The following TTC21B variants were observed in gnomAD, a reference collection of about 807,000 sequenced individuals.
TTC21B encodes the protein tetratricopeptide repeat protein 21B.
In TTC21B, 127 loss-of-function variants were observed where a neutral mutation model predicts 175.1. The ratio of observed to expected loss-of-function variants is 0.73; its 90% CI spans 0.63 to 0.84. The LOEUF is 0.84. Among genes scored for constraint, TTC21B ranks in the 40% least tolerant of loss-of-function variants. The pLI, the probability that TTC21B is intolerant of heterozygous loss-of-function variation, is 0.00. For synonymous variants in TTC21B, 524 were observed against 524.5 expected (o/e 1.00, Z 0.01); for missense variants, 1,561 against 1,558.3 (o/e 1.00, Z -0.03).
chr2:165,877,697 A>C (rs1684711158), intron 27 of TTC21B, among the ~76,000 whole-genome samples: 1 of 152,144 alleles, frequency 6.6e-6, no homozygotes. Context: ...ATATGTGTGT[A>C]TGTTTATATA....
intron 19 of TTC21B, 104 bp downstream of exon 19, chr2:165,907,574 G>C (rs929687943): frequency 4.1e-6 from 3 of 736,498 alleles, no homozygotes; most frequent in South Asian, 1.5e-5. Flanking sequence ...CATATTTTCT[G>C]TAGCTGTTTG....
At position 165,930,737 on chromosome 2, in the gene TTC21B, GT is replaced by G. The variant is rs1686872640; in HGVS notation, c.895-374del. Among the ~76,000 whole-genome samples the G allele has an allele frequency of 5.9e-4, 22 of 37,544 alleles. 1 individual carries two copies. Among genetic ancestry groups the G allele is most frequent in the African/African-American group, 1.8e-3 (22 of 12,462 alleles). The allele number at this position is 37,544 out of a possible 152,430, so 24.6% of individuals were successfully genotyped here. ...TATGGTTACGTGGGTATGGGGGTGT[GT>G]GTGTGTGTGTGTGTGTGTGTGTGTG... On this transcript the variant is annotated intron_variant, in intron 8 of 28. Transcript: ENST00000243344.
intron 27 of TTC21B, 63 bp downstream of exon 27, chr2:165,880,616 A>C: frequency 6.4e-7 from 1 of 1,571,684 alleles, no homozygotes; most frequent in Non-Finnish European, 8.7e-7. Flanking sequence ...AATGCATTTA[A>C]ATGAAAATTA....
chr2:165,949,569 G>T, intron 2 of TTC21B, 26 bp downstream of exon 2: 1 of 1,613,688 alleles, frequency 6.2e-7, no homozygotes, highest in Non-Finnish European at 8.5e-7. Context: ...AAAACTGATG[G>T]AACATGTTTA....
In TTC21B at chr2:165,943,281, CT is replaced by C. The variant is rs1559074956; in HGVS notation, c.489del (p.Ala164HisfsTer2). 6.2e-7 allele frequency: 1 copy of C among 1,612,666 alleles called. No individual in the cohort carries two copies. Among genetic ancestry groups the C allele is most frequent in the South Asian group, 1.1e-5 (1 of 91,048 alleles). On this transcript the variant is annotated frameshift_variant, in exon 5 of 29. Transcript: ENST00000243344. LOFTEE classifies it high-confidence loss of function. ...AGTCCCTCTTCAAAATACTTCAGTGCTTTTTTAGTGTAAGGCTCTTTTCCTC... is the reference window on the plus strand; with the variant it reads ...AGTCCCTCTTCAAAATACTTCAGTGCTTTTTAGTGTAAGGCTCTTTTCCTC... Reference protein sequence around the residue: ...ITRGKEPYTKKALKYFEEGLQ... With the variant: ...ITRGKEPYTKXALKYFEEGLQ...
chr2:165,945,416 G>A lies in TTC21B; in HGVS notation c.429+108C>T, dbSNP rs993036089. The A allele has an allele frequency of 1.2e-4, 121 of 1,016,344 alleles. No homozygotes were observed. The African/African-American group carries it at 1.6e-3, about 13-fold the overall frequency. 63.0% of individuals were successfully genotyped at this position (1,016,344 alleles called of 1,614,324 possible). ...AAAATAAAGCTGTTATTTACAAACT[G>A]GCAATAGAGTGAACAATAATAAAGA... is the stretch of plus-strand genomic sequence containing the variant. On this transcript the variant is annotated intron_variant, in intron 4 of 28. Coordinates refer to ENST00000243344, the MANE Select transcript of TTC21B (RefSeq NM_024753.5).
At position 165,874,814 on chromosome 2, in the gene TTC21B, T is replaced by C. The variant is rs142512424; in HGVS notation, c.3892A>G (p.Thr1298Ala). The C allele has an allele frequency of 1.1e-5, 17 of 1,613,560 alleles. No homozygotes were observed. In the African/African-American group the frequency reaches 1.7e-4, roughly 16 times the overall value. ...ATATCCTTTCTGATTTTTGGATAAG[T>C]TGGATGTGCTTCAAGAACCTGCAAA... ...ICHQVLEAHPTYPKIRKDILD... is the reference protein window; with the variant it reads ...ICHQVLEAHPAYPKIRKDILD... Residue 1298 changes from threonine to alanine, a missense_variant, in exon 29 of 29, where the codon ACT becomes GCT. By Grantham distance (58) the Thr-to-Ala change is moderately conservative. Transcript: ENST00000243344.
intron 3 of TTC21B, chr2:165,949,114 G>T: frequency 2.6e-6 from 1 of 391,538 alleles, no homozygotes; most frequent in Non-Finnish European, 4.6e-6. Context: ...TCCTTTTTTT[G>T]TGTAACAATT....
chr2:165,876,124 G>A (rs924488643), intron 28 of TTC21B, 41 bp downstream of exon 28: 4 of 1,166,700 alleles, frequency 3.4e-6, no homozygotes, highest in African/African-American at 1.5e-5. Flanking sequence ...AGGAAATTGT[G>A]CATCTGAAAA....
chr2:165,945,825 T>A, intron 3 of TTC21B, 135 bp from the exon 4 acceptor site: 1 of 772,950 alleles, frequency 1.3e-6, no homozygotes, highest in Non-Finnish European at 2.0e-6. Flanking sequence ...ATGCAAGCCA[T>A]ATATGTAACT....
In TTC21B at chr2:165,874,664, G is replaced by A. The variant is rs1574055016; in HGVS notation, c.*91C>T. On this transcript the variant is annotated 3_prime_UTR_variant, in exon 29 of 29. Transcript: ENST00000243344. Reference sequence around the variant, plus strand: ...AAAAGGGTATACTTCTAATAACAAAGCACTGAGCTCAAACCTGTTTTGAAC... The same window carrying A: ...AAAAGGGTATACTTCTAATAACAAAACACTGAGCTCAAACCTGTTTTGAAC... 16 of 1,143,996 alleles carry A rather than the reference G, an allele frequency of 1.4e-5. No individual in the cohort carries two copies. Among genetic ancestry groups the A allele is most frequent in the South Asian group, 2.5e-5 (2 of 79,816 alleles). 70.9% of individuals were successfully genotyped at this position (1,143,996 alleles called of 1,614,324 possible).
At chr2:165,912,099 T>C (rs1375496341) in intron 17 of TTC21B, among the ~76,000 whole-genome samples, 1 of 152,170 alleles carries the variant, frequency 6.6e-6, no homozygotes, top group East Asian at 1.9e-4. Flanking sequence ...GGTCAACAAT[T>C]ACCAGGAATA....
chr2:165,949,202 A>G (rs1465026362), intron 3 of TTC21B, 192 bp downstream of exon 3: 2 of 601,432 alleles, frequency 3.3e-6, no homozygotes, highest in Non-Finnish European at 5.9e-6. Flanking sequence ...AAGGAACACG[A>G]AAATAGTATA....
chr2:165,915,382 C>T lies in TTC21B; in HGVS notation c.1957G>A (p.Glu653Lys). The T allele has an allele frequency of 1.2e-6, 2 of 1,614,126 alleles. No homozygotes were observed. Among genetic ancestry groups the T allele is most frequent in the Non-Finnish European group, 1.7e-6 (2 of 1,179,994 alleles). ...AIHEFSGTSE[E>K]VRVTIANADL... ...GCATTAGCAATGGTAACCCGCACTT[C>T]TTCAGATGTTCCAGAAAATTCATGG... The change falls in exon 15 of 29, where the codon GAA becomes AAA. Residue 653 changes from glutamate (E) to lysine (K), a missense_variant. Coordinates refer to ENST00000243344, the MANE Select transcript of TTC21B (RefSeq NM_024753.5).
intron 27 of TTC21B, among the ~76,000 whole-genome samples, chr2:165,877,984 G>T (rs1028714971): frequency 3.9e-5 from 6 of 152,132 alleles, no homozygotes; most frequent in African/African-American, 1.4e-4. Flanking sequence ...TTCAGTTTTG[G>T]TTTGTGGTTT....
intron 3 of TTC21B, chr2:165,947,435 T>C (rs1209539017): frequency 6.6e-6 from 1 of 151,942 alleles, no homozygotes; most frequent in Non-Finnish European, 1.5e-5. Context: ...AAACTGTTTC[T>C]GTAAGTCTAC....
chr2:165,875,131 G>A (rs1305731850), intron 28 of TTC21B, among the ~76,000 whole-genome samples: 1 of 152,100 alleles, frequency 6.6e-6, no homozygotes. Flanking sequence ...AAATATTTTT[G>A]TAATTTAGCT....
At chr2:165,906,782 C>T (rs1685749775) in intron 19 of TTC21B, among the ~76,000 whole-genome samples, 1 of 151,550 alleles carries the variant, frequency 6.6e-6, no homozygotes, top group Admixed American at 6.6e-5. Context: ...CCTGTCTCTG[C>T]TAAAAATACT....
chr2:165,912,752 C>T (rs1428320934), intron 16 of TTC21B, 128 bp from the exon 17 acceptor site: 2 of 767,436 alleles, frequency 2.6e-6, no homozygotes, highest in Non-Finnish European at 4.5e-6. Context: ...TATTAAAGCA[C>T]AGGAACTTTA....
Sources: gnomAD v4.1 joint callset for allele counts (sites outside exome capture counted in the v4.1 genomes callset) on GRCh38, gnomAD v4.1.1 for gene constraint, MANE v1.5 for transcripts, NCBI Gene and HGNC (gene_info 2026-07-23, HGNC 2026-07-21) for gene names.